Variants in EIF2AK4 observed in about 807,000 individuals in gnomAD.
EIF2AK4 encodes eukaryotic translation initiation factor 2 alpha kinase 4.
In EIF2AK4, 139 loss-of-function variants were observed where a neutral mutation model predicts 211.1. The ratio of observed to expected loss-of-function variants is 0.66; its 90% CI spans 0.57 to 0.76. The LOEUF is 0.76. EIF2AK4 is among the 30% of genes least tolerant of loss of function. EIF2AK4 has a pLI of 0.00. For synonymous variants in EIF2AK4, 710 were observed against 751.3 expected (o/e 0.94, Z 0.90); for missense variants, 1,664 against 2,043.8 (o/e 0.81, Z 3.58).
At chr15:39,967,944 T>C (rs1039551109) in intron 9 of EIF2AK4, 65 bp downstream of exon 9, 21 of 1,513,914 alleles carry the variant, frequency 1.4e-5, no homozygotes, top group Non-Finnish European at 1.7e-5. Flanking sequence ...TGCTGGAGTG[T>C]GCCAGACATC....
chr15:39,954,585 T>A (rs1172681498), intron 5 of EIF2AK4, among the ~76,000 whole-genome samples: 1 of 152,158 alleles, frequency 6.6e-6, no homozygotes. Context: ...AATAAAATGA[T>A]TTGTTGATAC....
chr15:40,004,771 T>G (rs570243229), intron 23 of EIF2AK4, among the ~76,000 whole-genome samples: 1 of 152,190 alleles, frequency 6.6e-6, no homozygotes, highest in Admixed American at 6.5e-5. Context: ...CCCAGGCTGG[T>G]CTCAAACTGC....
At chr15:39,961,673 G>A (rs571948820) in intron 6 of EIF2AK4, 111 bp from the exon 7 acceptor site, 9 of 792,822 alleles carry the variant, frequency 1.1e-5, no homozygotes, top group East Asian at 1.1e-4. Flanking sequence ...ATAAACGGGA[G>A]AAAATGGAGG....
At chr15:39,934,710 T>G (rs145702917) in intron 1 of EIF2AK4, among the ~76,000 whole-genome samples, 1 of 152,206 alleles carries the variant, frequency 6.6e-6, no homozygotes. Context: ...TACGCGCCCC[T>G]TGCTACTTTG....
chr15:39,984,939 A>G (rs562444452), intron 13 of EIF2AK4, among the ~76,000 whole-genome samples: 102 of 152,336 alleles, frequency 6.7e-4, no homozygotes, highest in Middle Eastern at 3.4e-3. Flanking sequence ...CGATTTTCAA[A>G]GGGAATGCTT....
At chr15:40,017,551 A>ATATATATATATGTATGTATG (rs71132134) in intron 29 of EIF2AK4, among the ~76,000 whole-genome samples, 3 of 87,048 alleles carry the variant, frequency 3.4e-5, no homozygotes, top group Non-Finnish European at 4.6e-5. Context: ...ATATATATAT[A>ATATATATATATGTATGTATG]TATGTATTTT....
In EIF2AK4 at chr15:40,022,611, G is replaced by A. The variant is rs201658468; in HGVS notation, c.4389+6G>A. 1.7e-5 allele frequency: 27 copies of A among 1,613,614 alleles called. No individual in the cohort carries two copies. In the Middle Eastern group the frequency reaches 1.6e-3, roughly 98 times the overall value. The stretch of plus-strand genomic sequence containing the variant: ...AAGAAGGAAGCCATGTCAAGGTAAA[G>A]ACGTCAGAGATTTTTTACAATTCAA... On this transcript the variant is annotated splice_donor_region_variant and intron_variant, in intron 32 of 38. Coordinates refer to ENST00000263791, the MANE Select transcript of EIF2AK4 (RefSeq NM_001013703.4).
At chr15:39,936,660 T>A (rs1325782651) in intron 1 of EIF2AK4, among the ~76,000 whole-genome samples, 1 of 152,142 alleles carries the variant, frequency 6.6e-6, no homozygotes, top group Non-Finnish European at 1.5e-5. Context: ...TCCTCCCGCC[T>A]CGCCTCCCAA....
intron 9 of EIF2AK4, among the ~76,000 whole-genome samples, chr15:39,970,135 A>G (rs2034603081): frequency 6.6e-6 from 1 of 152,244 alleles, no homozygotes; most frequent in Non-Finnish European, 1.5e-5. Flanking sequence ...CACCATCCTC[A>G]GTAGTGAGAA....
rs558387030 is a variant in EIF2AK4, at chr15:39,954,360, C to G, written c.594+376C>G. Among the ~76,000 whole-genome samples, 9 of 152,342 alleles carry G rather than the reference C, an allele frequency of 5.9e-5. No individual in the cohort carries two copies. The South Asian group carries it at 1.0e-3, about 18-fold the overall frequency. On this transcript the variant is annotated intron_variant, in intron 5 of 38. Transcript: ENST00000263791. Reference sequence around the variant, plus strand: ...CTCCACCTCCCAGGTTCAAGCAATTCTCATGCCTCAGCCTCCCGAGTATCT... The same window carrying G: ...CTCCACCTCCCAGGTTCAAGCAATTGTCATGCCTCAGCCTCCCGAGTATCT...
At chr15:39,989,756 A>G (rs1053212203) in intron 15 of EIF2AK4, among the ~76,000 whole-genome samples, 5 of 152,250 alleles carry the variant, frequency 3.3e-5, no homozygotes, top group Non-Finnish European at 7.3e-5. Flanking sequence ...AAGCAGTCTC[A>G]TGTAACAAGT....
chr15:39,943,048 G>C (rs938770457), intron 2 of EIF2AK4, among the ~76,000 whole-genome samples: 3 of 151,302 alleles, frequency 2.0e-5, no homozygotes, highest in African/African-American at 7.3e-5. Context: ...TTTTTTTAAG[G>C]TGAAGAACTC....
At chr15:39,994,995 C>G (rs1440713382) in intron 18 of EIF2AK4, among the ~76,000 whole-genome samples, 1 of 152,108 alleles carries the variant, frequency 6.6e-6, no homozygotes, top group Non-Finnish European at 1.5e-5. Flanking sequence ...ACGCCTGCCA[C>G]CATGCCTGGC....
chr15:40,017,551 A>ATATATATATATATGTATGTATG (rs71132134), intron 29 of EIF2AK4, among the ~76,000 whole-genome samples: 4 of 87,078 alleles, frequency 4.6e-5, no homozygotes, highest in Non-Finnish European at 4.6e-5. Context: ...ATATATATAT[A>ATATATATATATATGTATGTATG]TATGTATTTT....
intron 13 of EIF2AK4, among the ~76,000 whole-genome samples, chr15:39,982,957 T>C (rs2034813708): frequency 6.6e-6 from 1 of 152,266 alleles, no homozygotes; most frequent in East Asian, 1.9e-4. Flanking sequence ...GATGGACATT[T>C]GGGTTGATTC....
intron 5 of EIF2AK4, 70 bp from the exon 6 acceptor site, chr15:39,955,550 T>C (rs769059488): frequency 1.9e-4 from 278 of 1,480,440 alleles, no homozygotes; most frequent in Non-Finnish European, 2.4e-4. Context: ...ACTGAATTAA[T>C]AATTATGTAC....
chr15:39,969,356 C>CTTTTTTTTTTTTTTTTTTTTTTTTTTTT (rs10550245), intron 9 of EIF2AK4, among the ~76,000 whole-genome samples: 3 of 101,306 alleles, frequency 3.0e-5, no homozygotes, highest in Non-Finnish European at 5.7e-5. Context: ...ATTTCTTATT[C>CTTTTTTTTTTTTTTTTTTTTTTTTTTTT]TTTTTTTTTT....
At chr15:39,944,661 C>G (rs1257330012) in intron 3 of EIF2AK4, among the ~76,000 whole-genome samples, 1 of 152,130 alleles carries the variant, frequency 6.6e-6, no homozygotes, top group Non-Finnish European at 1.5e-5. Context: ...TCTCAATCTC[C>G]TGACCTCGTG....
At chr15:40,016,156 G>T (rs888790355) in intron 27 of EIF2AK4, among the ~76,000 whole-genome samples, 2 of 152,224 alleles carry the variant, frequency 1.3e-5, no homozygotes, top group Non-Finnish European at 2.9e-5. Context: ...AGGAATTCAT[G>T]AGAATAAGAA....
Sources: allele counts gnomAD v4.1 joint callset (sites outside exome capture counted in the v4.1 genomes callset), GRCh38; gene constraint gnomAD v4.1.1; transcripts MANE v1.5; gene names NCBI Gene and HGNC (gene_info 2026-07-23, HGNC 2026-07-21).